Variants in CCL28 observed in about 807,000 individuals in gnomAD.
CCL28 encodes the protein C-C motif chemokine 28.
Under a neutral mutation model 7.1 loss-of-function variants are expected in CCL28, and 4 were observed. The ratio of observed to expected loss-of-function variants is 0.56; its 90% CI spans 0.28 to 1.29. The LOEUF is 1.29. Among genes scored for constraint, CCL28 ranks in the 50% most tolerant of loss-of-function variants. The probability of loss-of-function intolerance (pLI) is 0.11; values close to 1 mark genes in which losing one functional copy is unlikely to be tolerated. For missense variants in CCL28, 151 were observed against 163.4 expected (o/e 0.92, Z 0.41); for synonymous variants, 55 against 57.8 (o/e 0.95, Z 0.22).
downstream of CCL28, among the ~76,000 whole-genome samples, chr5:43,377,717 C>CTT (rs767834184): frequency 0.032 from 1,343 of 42,614 alleles, 380 homozygotes; most frequent in East Asian, 0.056. Context: ...AGAACTTAAA[C>CTT]TTTTTTTTTT....
intron 2 of CCL28, chr5:43,388,016 A>C (rs1740411170): frequency 2.0e-5 from 4 of 197,978 alleles, no homozygotes; most frequent in Admixed American, 5.8e-5. Context: ...AAAGCCATGA[A>C]ATATAACAGA....
intron 1 of CCL28, among the ~76,000 whole-genome samples, chr5:43,409,908 G>A (rs1741464970): frequency 1.3e-5 from 2 of 152,072 alleles, no homozygotes; most frequent in South Asian, 4.1e-4. Flanking sequence ...CGTCAGCAGA[G>A]GTGGAGTGTG....
intron 1 of CCL28, among the ~76,000 whole-genome samples, chr5:43,411,460 T>C (rs13167974): frequency 0.018 from 2,748 of 152,296 alleles, 50 homozygotes; most frequent in East Asian, 0.11. Context: ...TTTGTATGGT[T>C]CAATCTCCCT....
At chr5:43,369,028 AAGAGAGAAAGAGAGAGAGAGAGAGAG>A in the CCL28 span, among the ~76,000 whole-genome samples, 4 of 26,086 alleles carry the variant, frequency 1.5e-4, no homozygotes, top group South Asian at 1.4e-3. Context: ...GGGAGAGAGA[AAGAGAGAAAGAGAGAGAGAGAGAGAG>A]AGAGAGAGAG....
rs528382406 is a variant in CCL28, at chr5:43,396,692, G to GA, written c.65-8217dup. On this transcript the variant is annotated intron_variant, in intron 1 of 2. Coordinates refer to ENST00000361115, the MANE Select transcript of CCL28 (RefSeq NM_148672.3). ...ATGCATTTATTTAAAACACATACAC[G>GA]AAAAAAACGTGTGTTCAACTAAAAA... 2.5e-3 allele frequency among the ~76,000 whole-genome samples: 377 copies of GA among 151,228 alleles called. 2 individuals carry two copies. Among genetic ancestry groups the GA allele is most frequent in the African/African-American group, 8.7e-3 (358 of 41,216 alleles).
chr5:43,400,472 A>C lies in CCL28; in HGVS notation c.64+11781T>G, dbSNP rs114406639. 2.9e-3 allele frequency among the ~76,000 whole-genome samples: 442 copies of C among 152,196 alleles called. 3 individuals are homozygous for C. The highest frequency in any genetic ancestry group is 6.2e-3 in the Admixed American group (95 of 15,294). On this transcript the variant is annotated intron_variant, in intron 1 of 2. Transcript: ENST00000361115. ...AAGTGCTGGATTACAGGCGTGATCCACTGCGCCTGGCAGATTTTGGGTTTT... is the reference window on the plus strand; with the variant it reads ...AAGTGCTGGATTACAGGCGTGATCCCCTGCGCCTGGCAGATTTTGGGTTTT...
At chr5:43,398,175 T>C (rs1318361093) in intron 1 of CCL28, among the ~76,000 whole-genome samples, 1 of 152,222 alleles carries the variant, frequency 6.6e-6, no homozygotes, top group Non-Finnish European at 1.5e-5. Flanking sequence ...TAAGTCATAG[T>C]ACCTGCCCTC....
chr5:43,407,460 A>C (rs1741332622), intron 1 of CCL28, among the ~76,000 whole-genome samples: 1 of 152,238 alleles, frequency 6.6e-6, no homozygotes, highest in Non-Finnish European at 1.5e-5. Flanking sequence ...CTGAAACTGG[A>C]TCCCTTCCTT....
chr5:43,393,041 AT>A, intron 1 of CCL28, among the ~76,000 whole-genome samples: 1 of 152,098 alleles, frequency 6.6e-6, no homozygotes, highest in East Asian at 1.9e-4. Context: ...CCTGTAATTT[AT>A]TTTTTATAGA....
chr5:43,366,766 G>T, the CCL28 span, among the ~76,000 whole-genome samples: 2 of 152,208 alleles, frequency 1.3e-5, no homozygotes, highest in Non-Finnish European at 2.9e-5. Flanking sequence ...TCCCCCAGGT[G>T]CTCTGTCCCA....
At chr5:43,393,226 G>T (rs1740652635) in intron 1 of CCL28, among the ~76,000 whole-genome samples, 1 of 151,992 alleles carries the variant, frequency 6.6e-6, no homozygotes, top group Non-Finnish European at 1.5e-5. Flanking sequence ...AAAGATGGGG[G>T]TCCTGCCATG....
At chr5:43,377,833 C>G (rs1467245390), downstream of CCL28, among the ~76,000 whole-genome samples, 2 of 141,150 alleles carry the variant, frequency 1.4e-5, no homozygotes, top group Non-Finnish European at 3.1e-5. Context: ...CCCGGGTTCA[C>G]GCCATTCTCC....
chr5:43,372,142 C>T (rs1221931893), downstream of CCL28, among the ~76,000 whole-genome samples: 1 of 152,198 alleles, frequency 6.6e-6, no homozygotes. Context: ...GACCCAAACA[C>T]CTCCCATTGG....
rs888439775 is a variant in CCL28 at position 43,388,393 on chromosome 5, G to A, written c.148C>T (p.Arg50Cys). 16 of 1,613,894 alleles carry A rather than the reference G, an allele frequency of 9.9e-6. No homozygotes were observed. The highest frequency in any genetic ancestry group is 1.3e-5 in the African/African-American group (1 of 74,898). Residue 50 changes from arginine (R) to cysteine (C), a missense_variant, in exon 2 of 3, where the codon CGC becomes TGC. By Grantham distance (180) the Arg-to-Cys change is radical. Coordinates refer to ENST00000361115, the MANE Select transcript of CCL28 (RefSeq NM_148672.3). ...RRLLERVNMC[R>C]IQRADGDCDL... ...CAATCCCCATCAGCTCTCTGGATGC[G>A]ACACATATTCACTCTTTCCAGGAGC...
downstream of CCL28, among the ~76,000 whole-genome samples, chr5:43,372,234 T>G (rs534664889): frequency 6.6e-5 from 10 of 152,356 alleles, no homozygotes; most frequent in African/African-American, 2.4e-4. Flanking sequence ...TAACTAATAC[T>G]GGCTCATTTG....
At chr5:43,371,899 G>A (rs1327857897), downstream of CCL28, among the ~76,000 whole-genome samples, 1 of 152,186 alleles carries the variant, frequency 6.6e-6, no homozygotes, top group African/African-American at 2.4e-5. Flanking sequence ...CCATTTTGCA[G>A]GCTGTACAAG....
intron 2 of CCL28, 147 bp downstream of exon 2, chr5:43,388,203 C>A: frequency 1.0e-6 from 1 of 980,014 alleles, no homozygotes; most frequent in South Asian, 1.7e-5. Flanking sequence ...AGCCTGGGGC[C>A]TAATGGACAG....
the CCL28 span, among the ~76,000 whole-genome samples, chr5:43,359,977 A>T: frequency 3.3e-5 from 5 of 151,996 alleles, no homozygotes; most frequent in African/African-American, 1.2e-4. Context: ...CCACCAAATT[A>T]TCCATAAAAA....
At chr5:43,405,271 A>T (rs1741224001) in intron 1 of CCL28, among the ~76,000 whole-genome samples, 2 of 152,240 alleles carry the variant, frequency 1.3e-5, no homozygotes, top group Non-Finnish European at 2.9e-5. Flanking sequence ...TGCAAATGTA[A>T]AAGAACAGAA....
Sources: allele counts gnomAD v4.1 joint callset (sites outside exome capture counted in the v4.1 genomes callset), GRCh38; gene constraint gnomAD v4.1.1; transcripts MANE v1.5; gene names NCBI Gene and HGNC (gene_info 2026-07-23, HGNC 2026-07-21).